The following SETX variants were observed in gnomAD, a reference collection of about 807,000 sequenced individuals.
SETX encodes the protein senataxin, also known as helicase senataxin.
SETX carries 90 observed loss-of-function variants against 227.2 expected under a neutral mutation model. The observed-to-expected ratio is 0.40, with a 90% confidence interval of 0.33 to 0.47. The LOEUF (loss-of-function observed/expected upper bound fraction) is 0.47, where lower values mean the gene tolerates loss of function less well. SETX is among the 20% of genes least tolerant of loss of function. The pLI is 0.91. For synonymous variants in SETX, 1,210 were observed against 1,113.2 expected (o/e 1.09, Z -1.73); for missense variants, 3,052 against 3,181.5 (o/e 0.96, Z 0.98).
chr9:132,349,679 CAT>C (rs1280831705), intron 2 of SETX, among the ~76,000 whole-genome samples: 1 of 152,064 alleles, frequency 6.6e-6, no homozygotes, highest in African/African-American at 2.4e-5. Flanking sequence ...CATAAGGCAA[CAT>C]AAAGTTGTGC....
intron 23 of SETX, among the ~76,000 whole-genome samples, chr9:132,272,769 T>C (rs1842961042): frequency 6.6e-6 from 1 of 152,264 alleles, no homozygotes; most frequent in South Asian, 2.1e-4. Flanking sequence ...ACTGTTCCCT[T>C]AGCATAACAT....
rs759653127 is a variant in SETX at position 132,327,264 on chromosome 9, A to C, written c.4334T>G (p.Val1445Gly). ...TGTTGGTACTGTTCCATTTAACACT[A>C]CAGAATCACACTGGTTCAAAGGGCA... The part of the protein sequence containing the change: ...DACPLNQCDS[V>G]VLNGTVPTNE... The change falls in exon 10 of 26, where the codon GTA becomes GGA. Residue 1445 changes from valine (V) to glycine (G), a missense_variant. By Grantham distance (109) the Val-to-Gly change is moderately radical. This residue lies in a region of SETX where 1,483 missense variants were observed against 1,312.0 expected (regional missense o/e 1.13). Coordinates refer to ENST00000224140, the MANE Select transcript of SETX (RefSeq NM_015046.7). 24 of 1,614,172 alleles carry C rather than the reference A, an allele frequency of 1.5e-5. No homozygotes were observed. Among genetic ancestry groups the C allele is most frequent in the Non-Finnish European group, 1.7e-5 (20 of 1,180,028 alleles).
chr9:132,270,135 G>A (rs1443095250), intron 24 of SETX, among the ~76,000 whole-genome samples: 1 of 102,924 alleles, frequency 9.7e-6, no homozygotes, highest in East Asian at 3.1e-4. Context: ...AGACACAGGT[G>A]GACTCTAGAA....
At chr9:132,273,524 T>C (rs1419484030) in intron 23 of SETX, among the ~76,000 whole-genome samples, 1 of 152,260 alleles carries the variant, frequency 6.6e-6, no homozygotes, top group Non-Finnish European at 1.5e-5. Flanking sequence ...ACAAGTCTTA[T>C]ACTTCTTTGG....
intron 3 of SETX, among the ~76,000 whole-genome samples, chr9:132,346,862 A>C (rs1848322254): frequency 1.3e-5 from 2 of 152,032 alleles, no homozygotes; most frequent in African/African-American, 4.8e-5. Flanking sequence ...GGCTGAAGCA[A>C]AAGGATCACT....
Position 132,329,198 on chromosome 9 carries a change from C to T in SETX, c.2400G>A (p.Arg800=). The change falls in exon 10 of 26, where the codon AGG becomes AGA. Residue 800 remains arginine, a synonymous_variant. Coordinates refer to ENST00000224140, the MANE Select transcript of SETX (RefSeq NM_015046.7). The part of the protein sequence containing the change: ...KLSHVIKKQH[R]KSTLVDNTIN... ...TAGTATTATCGACCAAAGTACTCTTCCTGTGTTGCTTCTTTATTACATGTG... is the reference window on the plus strand; with the variant it reads ...TAGTATTATCGACCAAAGTACTCTTTCTGTGTTGCTTCTTTATTACATGTG... 6.2e-7 allele frequency: 1 copy of T among 1,613,698 alleles called. No individual in the cohort carries two copies. The highest frequency in any genetic ancestry group is 1.1e-5 in the South Asian group (1 of 91,064).
chr9:132,274,987 C>A, intron 23 of SETX: 1 of 456,378 alleles, frequency 2.2e-6, no homozygotes, highest in African/African-American at 1.9e-5. Flanking sequence ...ATGAACAAGT[C>A]ATGGAACTAA....
chr9:132,341,441 C>A (rs1847956687), intron 5 of SETX, among the ~76,000 whole-genome samples: 1 of 152,178 alleles, frequency 6.6e-6, no homozygotes, highest in Middle Eastern at 3.4e-3. Context: ...AATTCTGTGT[C>A]CCTCCTACCA....
intron 17 of SETX, among the ~76,000 whole-genome samples, chr9:132,286,984 C>G (rs1027019914): frequency 1.3e-5 from 2 of 152,222 alleles, no homozygotes; most frequent in African/African-American, 4.8e-5. Flanking sequence ...CCCTGAGATG[C>G]TGACACTCAC....
chr9:132,335,386 G>C (rs796672371), intron 6 of SETX, among the ~76,000 whole-genome samples: 20 of 41,548 alleles, frequency 4.8e-4, no homozygotes, highest in African/African-American at 1.8e-3. Context: ...GCAAGACTCC[G>C]TCTCAAAAAA....
chr9:132,329,593 T>A lies in SETX; in HGVS notation c.2005A>T (p.Asn669Tyr), dbSNP rs143727702. ...ACATCCTTTATATAATTTTGCTCATTATTGTCACCTTCTATAGTGTTATCT... is the reference window on the plus strand; with the variant it reads ...ACATCCTTTATATAATTTTGCTCATAATTGTCACCTTCTATAGTGTTATCT... ...KADNTIEGDN[N>Y]EQNYIKDVKL... is the part of the protein sequence containing the mutation. The change falls in exon 10 of 26, where the codon AAT becomes TAT. Residue 669 changes from asparagine to tyrosine, a missense_variant. By Grantham distance (143) the Asn-to-Tyr change is moderately radical (BLOSUM62 -2). This residue lies in a region of SETX where 1,483 missense variants were observed against 1,312.0 expected (regional missense o/e 1.13). Transcript: ENST00000224140. The A allele has an allele frequency of 3.2e-5, 51 of 1,613,688 alleles. No homozygotes were observed. Among genetic ancestry groups the A allele is most frequent in the Non-Finnish European group, 4.2e-5 (50 of 1,179,998 alleles).
chr9:132,332,405 G>C (rs1296255164), intron 7 of SETX, among the ~76,000 whole-genome samples: 2 of 152,200 alleles, frequency 1.3e-5, no homozygotes, highest in Non-Finnish European at 2.9e-5. Context: ...TCTGAGGCAA[G>C]TGCTTGAATT....
At chr9:132,332,780 G>A (rs1186500258) in intron 7 of SETX, among the ~76,000 whole-genome samples, 5 of 151,982 alleles carry the variant, frequency 3.3e-5, no homozygotes, top group Admixed American at 1.3e-4. Context: ...AATTAGCTGG[G>A]TAAGATGGCA....
chr9:132,340,946 T>C (rs923812006), intron 5 of SETX, among the ~76,000 whole-genome samples: 4 of 152,174 alleles, frequency 2.6e-5, no homozygotes, highest in East Asian at 3.9e-4. Flanking sequence ...GGTAATTCCA[T>C]AGTGCCTCCC....
intron 11 of SETX, among the ~76,000 whole-genome samples, chr9:132,304,586 T>C (rs529658066): frequency 4.7e-5 from 7 of 150,322 alleles, no homozygotes; most frequent in Admixed American, 4.0e-4. Flanking sequence ...TGAGCTGGGA[T>C]TGCGCCACTG....
chr9:132,295,112 G>A (rs918369282), intron 15 of SETX, among the ~76,000 whole-genome samples: 1 of 152,138 alleles, frequency 6.6e-6, no homozygotes, highest in Non-Finnish European at 1.5e-5. Flanking sequence ...TAAGTGTTAA[G>A]GTTAAATAAA....
At chr9:132,350,338 A>T (rs1848539249) in intron 2 of SETX, among the ~76,000 whole-genome samples, 1 of 152,196 alleles carries the variant, frequency 6.6e-6, no homozygotes, top group South Asian at 2.1e-4. Flanking sequence ...TGACAGAGTG[A>T]AACTCTGTCT....
intron 23 of SETX, among the ~76,000 whole-genome samples, chr9:132,274,414 T>C (rs956338597): frequency 1.3e-5 from 2 of 151,972 alleles, no homozygotes; most frequent in African/African-American, 2.4e-5. Context: ...AATGTTTCAT[T>C]ATTTGTTATA....
intron 4 of SETX, among the ~76,000 whole-genome samples, 172 bp downstream of exon 4, chr9:132,346,089 G>A (rs1385619931): frequency 6.6e-6 from 1 of 152,006 alleles, no homozygotes; most frequent in Non-Finnish European, 1.5e-5. Context: ...CCAAAAATAG[G>A]TATTTTGTGT....
Sources: allele counts gnomAD v4.1 joint callset (sites outside exome capture counted in the v4.1 genomes callset), GRCh38; gene constraint gnomAD v4.1.1; regional missense constraint gnomAD v4.1.1; transcripts MANE v1.5; gene names NCBI Gene and HGNC (gene_info 2026-07-23, HGNC 2026-07-21).